The following PLCB4 variants were observed in gnomAD, a reference collection of about 807,000 sequenced individuals.
PLCB4 encodes the protein 1-phosphatidylinositol 4,5-bisphosphate phosphodiesterase beta-4.
A neutral mutation model predicts 178.8 loss-of-function variants in PLCB4; 77 were observed. The ratio of observed to expected loss-of-function variants is 0.43; its 90% CI spans 0.36 to 0.52. The LOEUF (loss-of-function observed/expected upper bound fraction) is 0.52. PLCB4 is among the 20% of genes least tolerant of loss of function. The pLI is 0.00. For synonymous variants in PLCB4, 496 were observed against 490.8 expected, an observed-to-expected ratio of 1.01 and a Z score of -0.14; for missense variants, 1,024 against 1,453.4, an observed-to-expected ratio of 0.70 and a Z score of 4.80.
At chr20:9,128,861 C>T (rs2092200857) in intron 2 of PLCB4, among the ~76,000 whole-genome samples, 1 of 152,136 alleles carries the variant, frequency 6.6e-6, no homozygotes, top group Non-Finnish European at 1.5e-5. Context: ...AACCACCATT[C>T]TATTTTCTGT....
intron 2 of PLCB4, among the ~76,000 whole-genome samples, chr20:9,216,524 G>A (rs1331798887): frequency 6.6e-6 from 1 of 151,220 alleles, no homozygotes; most frequent in African/African-American, 2.4e-5. Flanking sequence ...GCCTGAGATG[G>A]AGTTTTACTC....
intron 2 of PLCB4, among the ~76,000 whole-genome samples, chr20:9,118,428 A>G (rs1015937236): frequency 1.3e-4 from 20 of 152,188 alleles, no homozygotes; most frequent in African/African-American, 4.6e-4. Flanking sequence ...GTTAAAAAAA[A>G]AGAAAAAGGA....
rs143614120 is a variant in PLCB4, at chr20:9,210,006, G to A, written c.-78-7384G>A. On this transcript the variant is annotated intron_variant, in intron 2 of 39. Coordinates refer to ENST00000378473, the MANE Select transcript of PLCB4 (RefSeq NM_001377142.1). ...AAAAAAGAATGAAAAAGAAAACCCA[G>A]AAACGATGTCTGGACTCCTGACCTA... 5.6e-4 allele frequency among the ~76,000 whole-genome samples: 79 copies of A among 141,652 alleles called. 1 individual carries two copies. The East Asian group carries it at 0.015, about 27-fold the overall frequency. The allele number at this position is 141,652 out of a possible 152,430, so 92.9% of individuals were successfully genotyped here.
chr20:9,390,731 CT>C, intron 17 of PLCB4, 116 bp downstream of exon 17: 1 of 552,092 alleles, frequency 1.8e-6, no homozygotes, highest in Non-Finnish European at 3.3e-6. Context: ...TATTTAAATT[CT>C]TTGGTACGGA....
intron 2 of PLCB4, among the ~76,000 whole-genome samples, chr20:9,109,046 C>T (rs1380302410): frequency 2.0e-5 from 3 of 152,106 alleles, no homozygotes; most frequent in African/African-American, 7.2e-5. Flanking sequence ...GTGTTAGCTG[C>T]TCTTAACACT....
intron 2 of PLCB4, among the ~76,000 whole-genome samples, chr20:9,143,064 G>A (rs2092526685): frequency 2.0e-5 from 3 of 152,106 alleles, no homozygotes; most frequent in Non-Finnish European, 2.9e-5. Context: ...ATATCTGCAG[G>A]ACTTGTTCCT....
At chr20:9,272,683 A>T (rs2147629342) in intron 3 of PLCB4, among the ~76,000 whole-genome samples, 1 of 152,244 alleles carries the variant, frequency 6.6e-6, no homozygotes, top group South Asian at 2.1e-4. Context: ...GCCATTAATC[A>T]AATTGTTTTT....
chr20:9,118,576 A>C (rs993471071), intron 2 of PLCB4, among the ~76,000 whole-genome samples: 2 of 152,086 alleles, frequency 1.3e-5, no homozygotes, highest in Non-Finnish European at 2.9e-5. Flanking sequence ...TACACACAGC[A>C]CATCTCAGTT....
At chr20:9,218,546 G>T (rs1341633713) in intron 3 of PLCB4, among the ~76,000 whole-genome samples, 1 of 152,164 alleles carries the variant, frequency 6.6e-6, no homozygotes, top group Non-Finnish European at 1.5e-5. Flanking sequence ...CCTCCTGGAG[G>T]ATCTGTTCCT....
intron 30 of PLCB4, among the ~76,000 whole-genome samples, chr20:9,442,670 G>A (rs956737795): frequency 3.3e-5 from 5 of 152,110 alleles, no homozygotes; most frequent in Non-Finnish European, 5.9e-5. Context: ...TAAAGACAGG[G>A]AGCTCTTTGT....
rs923388572 is a variant in PLCB4, at chr20:9,408,863, T to G, written c.1874+146T>G. 4 of 698,842 alleles carry G rather than the reference T, an allele frequency of 5.7e-6. No individual in the cohort carries two copies. The African/African-American group carries it at 7.2e-5, about 13-fold the overall frequency. 43.3% of individuals were successfully genotyped at this position (698,842 alleles called of 1,614,324 possible). A position where few individuals can be genotyped will look rare whatever the true frequency, so the allele number is the denominator to read the frequency against. On this transcript the variant is annotated intron_variant, in intron 23 of 39. Transcript: ENST00000378473. ...AAAGACCATGGCAGCTGTGACAATC[T>G]GCCCAAATGAAAATTGTTTTTATAA...
At chr20:9,241,389 T>TACACACAC (rs11470548) in intron 3 of PLCB4, among the ~76,000 whole-genome samples, 2 of 148,146 alleles carry the variant, frequency 1.4e-5, no homozygotes, top group African/African-American at 2.5e-5. Context: ...CATGCATGCA[T>TACACACAC]ACACACACAC....
intron 3 of PLCB4, among the ~76,000 whole-genome samples, chr20:9,265,473 ACT>A (rs997814436): frequency 3.9e-5 from 6 of 152,054 alleles, no homozygotes; most frequent in Non-Finnish European, 5.9e-5. Context: ...AAAGAACGAG[ACT>A]CTGTCTCAAA....
intron 7 of PLCB4, among the ~76,000 whole-genome samples, chr20:9,344,541 T>C (rs1176068192): frequency 6.6e-6 from 1 of 152,212 alleles, no homozygotes; most frequent in African/African-American, 2.4e-5. Context: ...GTTGACTAAA[T>C]GAATTCCAAC....
chr20:9,389,373 A>G (rs1602308039), intron 15 of PLCB4, among the ~76,000 whole-genome samples: 1 of 152,304 alleles, frequency 6.6e-6, no homozygotes, highest in East Asian at 1.9e-4. Context: ...TAGTACACAG[A>G]GGTCTACATC....
intron 28 of PLCB4, among the ~76,000 whole-genome samples, chr20:9,424,440 TC>T (rs1386194787): frequency 6.6e-6 from 1 of 152,192 alleles, no homozygotes; most frequent in Non-Finnish European, 1.5e-5. Flanking sequence ...ATGGGAGGAA[TC>T]CAAAGCTAGA....
intron 25 of PLCB4, among the ~76,000 whole-genome samples, chr20:9,414,959 T>A (rs1216378813): frequency 6.6e-6 from 1 of 152,196 alleles, no homozygotes; most frequent in Admixed American, 6.5e-5. Flanking sequence ...CCCCAGTGGA[T>A]GCCTGAAACC....
chr20:9,097,717 C>G (rs957427475), intron 2 of PLCB4, among the ~76,000 whole-genome samples: 15 of 152,178 alleles, frequency 9.9e-5, no homozygotes, highest in African/African-American at 3.6e-4. Flanking sequence ...TCCCAGCCAT[C>G]TCTGCCCTGG....
chr20:9,215,883 C>A (rs2093725566), intron 2 of PLCB4, among the ~76,000 whole-genome samples: 1 of 152,104 alleles, frequency 6.6e-6, no homozygotes, highest in Admixed American at 6.5e-5. Flanking sequence ...GCCATAGTAT[C>A]CATATTACTA....
Sources: gnomAD v4.1 joint callset for allele counts (sites outside exome capture counted in the v4.1 genomes callset) on GRCh38, gnomAD v4.1.1 for gene constraint, MANE v1.5 for transcripts, NCBI Gene and HGNC (gene_info 2026-07-23, HGNC 2026-07-21) for gene names.